FAM219A: variants seen among roughly 807,000 people sequenced by gnomAD.
FAM219A encodes protein FAM219A.
Under a neutral mutation model 23.4 loss-of-function variants are expected in FAM219A, and 7 were observed. The ratio of observed to expected loss-of-function variants is 0.30; its 90% CI spans 0.17 to 0.56. The LOEUF is 0.56. FAM219A is among the 20% of genes least tolerant of loss of function. FAM219A has a pLI of 0.92. For missense variants in FAM219A, 166 were observed against 246.9 expected (o/e 0.67, Z 2.20); for synonymous variants, 93 against 99.0 (o/e 0.94, Z 0.36).
chr9:34,432,591 TTC>T (rs1311768026), intron 1 of FAM219A, among the ~76,000 whole-genome samples: 1 of 152,188 alleles, frequency 6.6e-6, no homozygotes, highest in Non-Finnish European at 1.5e-5. Flanking sequence ...TTTCCACATG[TTC>T]TCTCTTCGCA....
chr9:34,418,171 G>T (rs1822104620), intron 1 of FAM219A, among the ~76,000 whole-genome samples: 1 of 151,890 alleles, frequency 6.6e-6, no homozygotes, highest in Non-Finnish European at 1.5e-5. Context: ...GAAAAGGATG[G>T]TGAAAGTATG....
chr9:34,412,840 G>A (rs1375793801), intron 1 of FAM219A, among the ~76,000 whole-genome samples: 1 of 152,186 alleles, frequency 6.6e-6, no homozygotes, highest in Non-Finnish European at 1.5e-5. Flanking sequence ...TTTAGCTGAA[G>A]AGTAGAAACA....
rs1474393995 is a variant in FAM219A at position 34,420,988 on chromosome 9, GTGTA to G, written c.61-15028_61-15025del. On this transcript the variant is annotated intron_variant, in intron 1 of 5. Transcript: ENST00000651358. Reference sequence around the variant, plus strand: ...GAGTGAAACTCGTGTGTGTGTGTGTGTGTATGTGTGTGTGTGTGTGTGAGAGAGA... The same window carrying G: ...GAGTGAAACTCGTGTGTGTGTGTGTGTGTGTGTGTGTGTGTGTGAGAGAGA... Among the ~76,000 whole-genome samples the G allele has an allele frequency of 1.1e-3, 142 of 132,424 alleles. 1 individual carries two copies. The highest frequency in any genetic ancestry group is 3.9e-3 in the African/African-American group (136 of 34,760). The allele number at this position is 132,424 out of a possible 152,430, so 86.9% of individuals were successfully genotyped here.
intron 1 of FAM219A, among the ~76,000 whole-genome samples, chr9:34,438,333 G>A (rs1005318915): frequency 2.6e-5 from 4 of 152,348 alleles, no homozygotes; most frequent in Non-Finnish European, 4.4e-5. Context: ...GAGTGCGGGC[G>A]CATGGCACCG....
Position 34,400,907 on chromosome 9 carries a change from GC to G in FAM219A, c.*56del, listed in dbSNP as rs1363032375. On this transcript the variant is annotated 3_prime_UTR_variant, in exon 6 of 6. Transcript: ENST00000651358. ...ACGAGCTGGGAAGGGGTCGGCCTCTGCCCGTCCTACCCGGCCCTTGGCGGCC... is the reference window on the plus strand; with the variant it reads ...ACGAGCTGGGAAGGGGTCGGCCTCTGCCGTCCTACCCGGCCCTTGGCGGCC... The G allele has an allele frequency of 1.4e-5, 20 of 1,459,778 alleles. No homozygotes were observed. Among genetic ancestry groups the G allele is most frequent in the Non-Finnish European group, 1.8e-5 (20 of 1,104,726 alleles). The allele number at this position is 1,459,778 out of a possible 1,614,324, so 90.4% of individuals were successfully genotyped here. A position where few individuals can be genotyped will look rare whatever the true frequency, so the allele number is the denominator to read the frequency against.
In FAM219A at chr9:34,398,304, C is replaced by T; in HGVS notation, c.*2660G>A. ...TTATACACGGCTCATGTCTTCCACA[C>T]ACCTTCCTGGAAATAAATTAGTGAG... is the stretch of plus-strand genomic sequence containing the variant. On this transcript the variant is annotated 3_prime_UTR_variant, in exon 6 of 6. Transcript: ENST00000651358. 6.4e-7 allele frequency: 1 copy of T among 1,550,844 alleles called. No individual in the cohort carries two copies. Among genetic ancestry groups the T allele is most frequent in the Non-Finnish European group, 8.7e-7 (1 of 1,147,042 alleles).
chr9:34,433,025 G>A (rs990596552), intron 1 of FAM219A, among the ~76,000 whole-genome samples: 5 of 152,232 alleles, frequency 3.3e-5, no homozygotes, highest in African/African-American at 1.2e-4. Flanking sequence ...TGCATTTACG[G>A]AAGAGTTACA....
chr9:34,424,042 G>A (rs927204593), intron 1 of FAM219A, among the ~76,000 whole-genome samples: 3 of 152,174 alleles, frequency 2.0e-5, no homozygotes, highest in African/African-American at 7.2e-5. Flanking sequence ...TATTGAAAAA[G>A]TAAGCAGAAG....
intron 1 of FAM219A, among the ~76,000 whole-genome samples, chr9:34,449,266 G>T (rs1823480748): frequency 6.6e-6 from 1 of 152,110 alleles, no homozygotes; most frequent in Non-Finnish European, 1.5e-5. Context: ...AGCTGGGGAA[G>T]GTCAAGGCTG....
intron 1 of FAM219A, among the ~76,000 whole-genome samples, chr9:34,456,780 C>T (rs1823746124): frequency 6.6e-6 from 1 of 152,128 alleles, no homozygotes; most frequent in Non-Finnish European, 1.5e-5. Flanking sequence ...ATATTGTATG[C>T]TTCTGTAAAA....
intron 2 of FAM219A, 49 bp from the exon 3 acceptor site, chr9:34,402,856 C>G (rs374475855): frequency 6.4e-7 from 1 of 1,569,794 alleles, no homozygotes; most frequent in Admixed American, 1.7e-5. Flanking sequence ...TGAGGCCACC[C>G]TGTCTTACTA....
chr9:34,434,198 T>G (rs1822820462), intron 1 of FAM219A, among the ~76,000 whole-genome samples: 1 of 94,522 alleles, frequency 1.1e-5, no homozygotes, highest in Non-Finnish European at 1.9e-5. Context: ...CTAGACTCCG[T>G]CTCAAAAAAA....
chr9:34,406,014 G>T, intron 1 of FAM219A, 50 bp from the exon 2 acceptor site: 1 of 1,530,598 alleles, frequency 6.5e-7, no homozygotes, highest in South Asian at 1.2e-5. Context: ...GTGAAGACAG[G>T]GGGCTGCTCT....
At chr9:34,427,830 A>G (rs1822541906) in intron 1 of FAM219A, among the ~76,000 whole-genome samples, 1 of 152,134 alleles carries the variant, frequency 6.6e-6, no homozygotes. Flanking sequence ...GTTATTTTGG[A>G]GAACAGCCAA....
intron 1 of FAM219A, among the ~76,000 whole-genome samples, chr9:34,431,199 G>C (rs1483414733): frequency 6.6e-6 from 1 of 152,134 alleles, no homozygotes; most frequent in African/African-American, 2.4e-5. Context: ...AGAGGATCTT[G>C]GTGTGTGTGT....
At chr9:34,419,538 G>A (rs1822175716) in intron 1 of FAM219A, among the ~76,000 whole-genome samples, 1 of 152,088 alleles carries the variant, frequency 6.6e-6, no homozygotes, top group Non-Finnish European at 1.5e-5. Flanking sequence ...ACACTGAGGA[G>A]AATACTGCCC....
chr9:34,443,641 G>A (rs770875751), intron 1 of FAM219A, among the ~76,000 whole-genome samples: 5 of 152,170 alleles, frequency 3.3e-5, no homozygotes, highest in Non-Finnish European at 7.4e-5. Flanking sequence ...CCTGAAAGCG[G>A]TTAGGAGGCT....
chr9:34,439,260 C>T (rs1275100153), intron 1 of FAM219A, among the ~76,000 whole-genome samples: 3 of 152,218 alleles, frequency 2.0e-5, no homozygotes, highest in Non-Finnish European at 4.4e-5. Flanking sequence ...CAATTCCGGA[C>T]ACACTTCTAA....
chr9:34,438,840 C>T (rs899184405), intron 1 of FAM219A, among the ~76,000 whole-genome samples: 8 of 152,222 alleles, frequency 5.3e-5, no homozygotes, highest in Non-Finnish European at 1.0e-4. Flanking sequence ...CTGCCCAAGC[C>T]AGCAGTGGCA....
Sources: gnomAD v4.1 joint callset for allele counts (sites outside exome capture counted in the v4.1 genomes callset) on GRCh38, gnomAD v4.1.1 for gene constraint, MANE v1.5 for transcripts, NCBI Gene and HGNC (gene_info 2026-07-23, HGNC 2026-07-21) for gene names.